The following AUTS2 variants were observed in gnomAD, a reference collection of about 807,000 sequenced individuals.
AUTS2 encodes autism susceptibility gene 2 protein.
AUTS2 carries 17 observed loss-of-function variants against 112.4 expected under a neutral mutation model. The ratio of observed to expected loss-of-function variants is 0.15; its 90% CI spans 0.10 to 0.23. The LOEUF (loss-of-function observed/expected upper bound fraction) is 0.23. Among genes scored for constraint, AUTS2 ranks in the 10% least tolerant of loss-of-function variants. The pLI, the probability that AUTS2 is intolerant of heterozygous loss-of-function variation, is 1.00. For missense variants in AUTS2, 1,510 were observed against 1,701.6 expected (o/e 0.89, Z 1.98); for synonymous variants, 751 against 702.7 (o/e 1.07, Z -1.09).
intron 2 of AUTS2, among the ~76,000 whole-genome samples, chr7:70,062,819 C>G (rs549006321): frequency 5.9e-5 from 9 of 152,260 alleles, no homozygotes; most frequent in Admixed American, 5.9e-4. Flanking sequence ...TGGCAGTAAA[C>G]CTGGGTAGAA....
intron 1 of AUTS2, among the ~76,000 whole-genome samples, chr7:69,748,413 A>G (rs1787603033): frequency 6.6e-6 from 1 of 152,208 alleles, no homozygotes; most frequent in Non-Finnish European, 1.5e-5. Context: ...ACTTCCACTT[A>G]TCCACAAATC....
chr7:69,988,429 T>C (rs1350539655), intron 2 of AUTS2, among the ~76,000 whole-genome samples: 1 of 152,238 alleles, frequency 6.6e-6, no homozygotes, highest in African/African-American at 2.4e-5. Flanking sequence ...ATGGCAAGCA[T>C]TTCAGGTGCT....
intron 5 of AUTS2, among the ~76,000 whole-genome samples, chr7:70,455,610 C>T (rs374441127): frequency 7.9e-5 from 12 of 152,090 alleles, no homozygotes; most frequent in African/African-American, 2.9e-4. Flanking sequence ...TTTGGCAATA[C>T]CCTGGACATT....
At chr7:70,778,571 T>TA (rs796134070) in intron 14 of AUTS2, among the ~76,000 whole-genome samples, 2,205 of 77,534 alleles carry the variant, frequency 0.028, 52 homozygotes, top group African/African-American at 0.078. Context: ...ATCTCATCTC[T>TA]AAAAAAAAAA....
chr7:70,192,172 A>C (rs757863264), intron 4 of AUTS2, among the ~76,000 whole-genome samples: 1 of 152,180 alleles, frequency 6.6e-6, no homozygotes, highest in Non-Finnish European at 1.5e-5. Context: ...CACTGGAATA[A>C]TGGTGAAAGT....
chr7:70,739,759 C>T (rs1193326076), intron 6 of AUTS2, among the ~76,000 whole-genome samples: 1 of 149,054 alleles, frequency 6.7e-6, no homozygotes, highest in Non-Finnish European at 1.5e-5. Context: ...ATCCCTGAGA[C>T]GCCTTTCAAG....
intron 2 of AUTS2, among the ~76,000 whole-genome samples, chr7:70,045,728 C>G (rs1346965914): frequency 6.6e-6 from 1 of 151,646 alleles, no homozygotes. Context: ...CCTGCCCCAG[C>G]CTCCCGAGTA....
intron 4 of AUTS2, among the ~76,000 whole-genome samples, chr7:70,182,607 A>G (rs887837907): frequency 2.6e-5 from 4 of 151,954 alleles, no homozygotes; most frequent in African/African-American, 9.7e-5. Context: ...TAATGGGAGG[A>G]GGGAGTAGAA....
chr7:70,687,548 C>A (rs1434417922), intron 5 of AUTS2, among the ~76,000 whole-genome samples: 1 of 152,172 alleles, frequency 6.6e-6, no homozygotes, highest in Non-Finnish European at 1.5e-5. Context: ...TCCTTGACTT[C>A]TACACTCGGA....
rs574956334 is a variant in AUTS2, at chr7:70,620,514, G to A, written c.691-78055G>A. On this transcript the variant is annotated intron_variant, in intron 5 of 18. Coordinates refer to ENST00000342771, the MANE Select transcript of AUTS2 (RefSeq NM_015570.4). ...AGGAAAGGGGTTGGTCGGGCCCTTTGCTCTCCTGTGCTGGTGGCCAAGCCC... is the reference window on the plus strand; with the variant it reads ...AGGAAAGGGGTTGGTCGGGCCCTTTACTCTCCTGTGCTGGTGGCCAAGCCC... Among the ~76,000 whole-genome samples the A allele has an allele frequency of 2.3e-3, 348 of 152,238 alleles. 1 individual carries two copies. Among genetic ancestry groups the A allele is most frequent in the African/African-American group, 7.1e-3 (296 of 41,536 alleles).
chr7:69,714,226 G>T (rs1461689359), intron 1 of AUTS2, among the ~76,000 whole-genome samples: 1 of 144,126 alleles, frequency 6.9e-6, no homozygotes, highest in African/African-American at 2.7e-5. Flanking sequence ...AACACACCCA[G>T]CTAATTGTGC....
At chr7:70,649,672 G>GTGCCCACGT (rs1415768745) in intron 5 of AUTS2, among the ~76,000 whole-genome samples, 1 of 152,066 alleles carries the variant, frequency 6.6e-6, no homozygotes, top group African/African-American at 2.4e-5. Context: ...AGGATTACAG[G>GTGCCCACGT]TGCCCACCAC....
intron 1 of AUTS2, among the ~76,000 whole-genome samples, chr7:69,834,839 C>T (rs1278407665): frequency 6.6e-6 from 1 of 152,224 alleles, no homozygotes; most frequent in African/African-American, 2.4e-5. Flanking sequence ...CAGCCAAATG[C>T]TGTAACCAAA....
rs567903138 is a variant in AUTS2 at position 70,171,905 on chromosome 7, TG to T, written c.660+37343del. ...TTTATTATAAACAAGTTTTTTTTTT[TG>T]GGGGGGGGTAGTTTTTCCCTCCTTC... is the stretch of plus-strand genomic sequence containing the variant. On this transcript the variant is annotated intron_variant, in intron 4 of 18. Transcript: ENST00000342771. 1.1e-3 allele frequency among the ~76,000 whole-genome samples: 167 copies of T among 146,804 alleles called. 2 individuals carry two copies. The highest frequency in any genetic ancestry group is 3.0e-3 in the African/African-American group (120 of 39,798).
chr7:70,204,558 C>T (rs11770380), intron 4 of AUTS2, among the ~76,000 whole-genome samples: 12,208 of 151,858 alleles, frequency 0.08, 633 homozygotes, highest in African/African-American at 0.13. Context: ...AATAAGAGGC[C>T]CTGTATATAC....
At chr7:70,187,918 G>T (rs1475739103) in intron 4 of AUTS2, among the ~76,000 whole-genome samples, 2 of 151,786 alleles carry the variant, frequency 1.3e-5, no homozygotes, top group Admixed American at 1.3e-4. Context: ...TTGGGCAATC[G>T]TTGCCTCTGC....
At chr7:70,558,266 A>C (rs1232552664) in intron 5 of AUTS2, among the ~76,000 whole-genome samples, 1 of 152,144 alleles carries the variant, frequency 6.6e-6, no homozygotes, top group African/African-American at 2.4e-5. Flanking sequence ...TCTGCGTAAA[A>C]TTTAGGAACA....
At chr7:69,960,393 T>A (rs983661452) in intron 2 of AUTS2, among the ~76,000 whole-genome samples, 4 of 152,182 alleles carry the variant, frequency 2.6e-5, no homozygotes, top group African/African-American at 9.6e-5. Flanking sequence ...GTGTTGTGTG[T>A]GGGAAGCAAG....
chr7:70,108,783 C>CAAAAGAAAAAA (rs1804908239), intron 2 of AUTS2, among the ~76,000 whole-genome samples: 1 of 69,182 alleles, frequency 1.4e-5, no homozygotes, highest in Admixed American at 1.6e-4. Context: ...GCCAACATGG[C>CAAAAGAAAAAA]AAAAAAAAAA....
Sources: allele counts gnomAD v4.1 joint callset (sites outside exome capture counted in the v4.1 genomes callset), GRCh38; gene constraint gnomAD v4.1.1; transcripts MANE v1.5; gene names NCBI Gene and HGNC (gene_info 2026-07-23, HGNC 2026-07-21).